PTPRD: variants seen among roughly 807,000 people sequenced by gnomAD.
PTPRD encodes receptor-type tyrosine-protein phosphatase delta.
PTPRD carries 34 observed loss-of-function variants against 214.5 expected under a neutral mutation model. The ratio of observed to expected loss-of-function variants is 0.16; its 90% CI spans 0.12 to 0.21. The LOEUF is 0.21. Ranked by LOEUF, PTPRD falls within the 10% of genes least tolerant of loss-of-function variation. PTPRD has a pLI of 1.00. For synonymous variants in PTPRD, 1,128 were observed against 845.7 expected (o/e 1.33, Z -5.79); for missense variants, 2,545 against 2,398.7 (o/e 1.06, Z -1.27).
intron 3 of PTPRD, among the ~76,000 whole-genome samples, chr9:10,096,294 A>G (rs1225360288): frequency 1.6e-4 from 25 of 151,728 alleles, no homozygotes. Flanking sequence ...AATCTGTAGA[A>G]CAACCAAAGT....
chr9:8,585,499 C>G (rs138434730), intron 14 of PTPRD, among the ~76,000 whole-genome samples: 6 of 152,142 alleles, frequency 3.9e-5, no homozygotes, highest in African/African-American at 1.4e-4. Flanking sequence ...GGCTGGACAC[C>G]ATAAAAATGT....
chr9:9,274,570 T>C (rs1594958473), intron 9 of PTPRD, among the ~76,000 whole-genome samples: 1 of 151,254 alleles, frequency 6.6e-6, no homozygotes, highest in African/African-American at 2.4e-5. Flanking sequence ...CTTTTTCTAC[T>C]GTTTGAAATT....
intron 7 of PTPRD, among the ~76,000 whole-genome samples, chr9:9,693,837 C>T (rs1010436689): frequency 1.3e-5 from 2 of 152,154 alleles, no homozygotes; most frequent in Non-Finnish European, 2.9e-5. Context: ...TGCCTTCAGG[C>T]TCACTCCTTT....
chr9:9,951,713 T>A (rs2093469833), intron 4 of PTPRD, among the ~76,000 whole-genome samples: 1 of 152,252 alleles, frequency 6.6e-6, no homozygotes. Context: ...GAGGTTTCAG[T>A]ATACTTTGAA....
intron 5 of PTPRD, among the ~76,000 whole-genome samples, chr9:9,881,660 A>G (rs1484037214): frequency 6.6e-6 from 1 of 152,142 alleles, no homozygotes; most frequent in Non-Finnish European, 1.5e-5. Flanking sequence ...GAACCCTGGT[A>G]TGATAGATTG....
intron 3 of PTPRD, among the ~76,000 whole-genome samples, chr9:10,261,083 A>G (rs201478583): frequency 6.1e-4 from 31 of 50,886 alleles, no homozygotes; most frequent in African/African-American, 1.2e-3. Context: ...ATATGTGTGT[A>G]TATATATATA....
At chr9:8,677,293 GATAA>G (rs1239248947) in intron 12 of PTPRD, among the ~76,000 whole-genome samples, 2 of 152,124 alleles carry the variant, frequency 1.3e-5, no homozygotes, top group Non-Finnish European at 2.9e-5. Flanking sequence ...CAGTAGACAG[GATAA>G]ATACACTGTG....
chr9:9,320,599 C>T (rs576604752), intron 9 of PTPRD, among the ~76,000 whole-genome samples: 2 of 152,264 alleles, frequency 1.3e-5, no homozygotes, highest in South Asian at 2.1e-4. Flanking sequence ...TCCCATCCTT[C>T]GTCTACTATC....
chr9:9,933,818 A>G (rs1367028091), intron 5 of PTPRD, among the ~76,000 whole-genome samples: 1 of 149,620 alleles, frequency 6.7e-6, no homozygotes, highest in African/African-American at 2.6e-5. Context: ...AATTGACCAC[A>G]TACTTGGAAG....
At position 8,810,894 on chromosome 9, in the gene PTPRD, C is replaced by T. The variant is rs182026445; in HGVS notation, c.-103-76948G>A. Among the ~76,000 whole-genome samples the T allele has an allele frequency of 4.6e-5, 7 of 152,270 alleles. No individual in the cohort carries two copies. The East Asian group carries it at 1.4e-3, about 29-fold the overall frequency. The stretch of plus-strand genomic sequence containing the variant: ...AAGGCAGGGGCATTTATCCTCCAAG[C>T]CCCTTTCCCTTGTTGGCTATGAGTT... On this transcript the variant is annotated intron_variant, in intron 11 of 45. Coordinates refer to ENST00000381196, the MANE Select transcript of PTPRD (RefSeq NM_002839.4).
At chr9:8,346,914 A>C (rs933792525) in intron 39 of PTPRD, among the ~76,000 whole-genome samples, 6 of 152,280 alleles carry the variant, frequency 3.9e-5, no homozygotes, top group African/African-American at 9.6e-5. Context: ...GTTGCACCTC[A>C]AACTGCAAAA....
At chr9:9,687,019 TG>T (rs2097177743) in intron 7 of PTPRD, among the ~76,000 whole-genome samples, 1 of 151,786 alleles carries the variant, frequency 6.6e-6, no homozygotes, top group African/African-American at 2.4e-5. Flanking sequence ...TAATACAAGT[TG>T]TGCATTATTA....
At chr9:8,896,082 A>G (rs1013242123) in intron 11 of PTPRD, among the ~76,000 whole-genome samples, 5 of 152,216 alleles carry the variant, frequency 3.3e-5, no homozygotes, top group Non-Finnish European at 5.9e-5. Context: ...TCCACACATC[A>G]GAGTGTTGAC....
chr9:10,355,141 A>G (rs766742248), intron 2 of PTPRD, among the ~76,000 whole-genome samples: 53 of 152,198 alleles, frequency 3.5e-4, no homozygotes, highest in Non-Finnish European at 7.4e-4. Context: ...GTAAAATTCT[A>G]CAAAATTTTG....
At chr9:10,602,636 G>A (rs1286735848) in intron 2 of PTPRD, among the ~76,000 whole-genome samples, 1 of 151,754 alleles carries the variant, frequency 6.6e-6, no homozygotes, top group South Asian at 2.1e-4. Context: ...ACAATGTGAC[G>A]CAGTGGTGTA....
At chr9:9,832,432 T>G (rs1188972781) in intron 5 of PTPRD, among the ~76,000 whole-genome samples, 2 of 152,060 alleles carry the variant, frequency 1.3e-5, no homozygotes, top group African/African-American at 4.8e-5. Flanking sequence ...TGATGGACTA[T>G]GTAACAGTCA....
rs1253748793 is a variant in PTPRD at position 8,315,955 on chromosome 9, T to C, written c.*1919A>G. 4.5e-6 allele frequency: 1 copy of C among 224,306 alleles called. No homozygotes were observed. The highest frequency in any genetic ancestry group is 2.3e-5 in the African/African-American group (1 of 44,234). The allele number at this position is 224,306 out of a possible 1,614,324, so 13.9% of individuals were successfully genotyped here. ...GGTAAGATACATATATATATATAGT[T>C]TATTTCCCCTTTTAGAAAAATCCTA... On this transcript the variant is annotated 3_prime_UTR_variant, in exon 46 of 46. Transcript: ENST00000381196.
At chr9:9,322,760 C>T (rs1273343661) in intron 9 of PTPRD, among the ~76,000 whole-genome samples, 2 of 152,104 alleles carry the variant, frequency 1.3e-5, no homozygotes, top group African/African-American at 2.4e-5. Context: ...GGGTCTATGA[C>T]ATCTAGTAAT....
chr9:9,046,289 T>G (rs1459609174), intron 10 of PTPRD, among the ~76,000 whole-genome samples: 2 of 152,198 alleles, frequency 1.3e-5, no homozygotes, highest in African/African-American at 4.8e-5. Context: ...AACTCCAGTC[T>G]CTTGCCATCT....
Sources: gnomAD v4.1 joint callset for allele counts (sites outside exome capture counted in the v4.1 genomes callset) on GRCh38, gnomAD v4.1.1 for gene constraint, MANE v1.5 for transcripts, NCBI Gene and HGNC (gene_info 2026-07-23, HGNC 2026-07-21) for gene names.